Variants in APBA2 observed in about 807,000 individuals in gnomAD.
APBA2 encodes amyloid-beta A4 precursor protein-binding family A member 2.
Under a neutral mutation model 75.0 loss-of-function variants are expected in APBA2, and 30 were observed. The observed-to-expected ratio is 0.40, with a 90% CI of 0.30 to 0.54. The LOEUF (loss-of-function observed/expected upper bound fraction) is 0.54. APBA2 is among the 20% of genes least tolerant of loss of function. The pLI, the probability that APBA2 is intolerant of heterozygous loss-of-function variation, is 0.49. For synonymous variants in APBA2, 444 were observed against 409.6 expected (o/e 1.08, Z -1.01); for missense variants, 801 against 1,016.1 (o/e 0.79, Z 2.88).
At chr15:28,908,085 G>T (rs1432533965) in intron 1 of APBA2, among the ~76,000 whole-genome samples, 2 of 152,170 alleles carry the variant, frequency 1.3e-5, no homozygotes, top group African/African-American at 4.8e-5. Context: ...CCGTGACCTG[G>T]CTGGACCCTG....
chr15:29,060,678 C>T (rs542182361), intron 4 of APBA2, among the ~76,000 whole-genome samples: 33 of 152,300 alleles, frequency 2.2e-4, no homozygotes, highest in African/African-American at 6.5e-4. Flanking sequence ...TCAGTGCTAA[C>T]GTGTCCTAAG....
At chr15:28,929,073 A>G (rs771599820) in intron 2 of APBA2, among the ~76,000 whole-genome samples, 1 of 152,132 alleles carries the variant, frequency 6.6e-6, no homozygotes, top group African/African-American at 2.4e-5. Context: ...AGTCATGAGG[A>G]TGGGAGTGAT....
intron 2 of APBA2, among the ~76,000 whole-genome samples, chr15:28,944,989 T>C (rs2035461630): frequency 6.6e-6 from 1 of 152,200 alleles, no homozygotes; most frequent in African/African-American, 2.4e-5. Flanking sequence ...AGGGAGGCAG[T>C]GAGCTTCCTC....
intron 2 of APBA2, among the ~76,000 whole-genome samples, chr15:28,992,453 A>G (rs2038286199): frequency 6.6e-6 from 1 of 152,258 alleles, no homozygotes; most frequent in Non-Finnish European, 1.5e-5. Flanking sequence ...TGCACGTAGA[A>G]TAATACAGAG....
rs1199993947 is a variant in APBA2 at position 28,940,727 on chromosome 15, G to T, written c.-95+18978G>T. Among the ~76,000 whole-genome samples, 3 of 152,146 alleles carry T rather than the reference G, an allele frequency of 2.0e-5. No individual in the cohort carries two copies. In the South Asian group the frequency reaches 6.2e-4, roughly 32 times the overall value. On this transcript the variant is annotated intron_variant, in intron 2 of 14. Transcript: ENST00000683413. Reference sequence around the variant, plus strand: ...GTCATGTCTTGAAATTCAGTTTTCTGCTGAAAGAAGCTGAGACTACTTGGA... The same window carrying T: ...GTCATGTCTTGAAATTCAGTTTTCTTCTGAAAGAAGCTGAGACTACTTGGA...
intron 2 of APBA2, among the ~76,000 whole-genome samples, chr15:28,936,179 C>T (rs949023664): frequency 5.3e-5 from 8 of 152,110 alleles, no homozygotes; most frequent in Non-Finnish European, 2.9e-5. Context: ...GATGGTTTTG[C>T]GTTTGCTCCT....
chr15:29,025,435 T>C (rs990187745), intron 3 of APBA2, among the ~76,000 whole-genome samples: 6 of 151,684 alleles, frequency 4.0e-5, no homozygotes, highest in Admixed American at 3.9e-4. Context: ...CCAGCTAATT[T>C]TTTTGTAATT....
chr15:29,053,154 C>T (rs1377516662), intron 3 of APBA2, among the ~76,000 whole-genome samples: 10 of 152,198 alleles, frequency 6.6e-5, no homozygotes, highest in South Asian at 2.1e-4. Flanking sequence ...TGTCACCCCA[C>T]GATACCTGCA....
chr15:28,975,255 G>T (rs1166005587), intron 2 of APBA2, among the ~76,000 whole-genome samples: 1 of 152,082 alleles, frequency 6.6e-6, no homozygotes, highest in East Asian at 1.9e-4. Context: ...TTTCACAGGA[G>T]AATTCTATCA....
intron 1 of APBA2, among the ~76,000 whole-genome samples, chr15:28,899,582 C>T (rs561505457): frequency 2.0e-5 from 3 of 152,012 alleles, no homozygotes; most frequent in South Asian, 2.1e-4. Flanking sequence ...CGTGTGTGCC[C>T]GGCCTTGCTC....
intron 1 of APBA2, among the ~76,000 whole-genome samples, chr15:28,896,712 G>A (rs1362778097): frequency 2.0e-5 from 3 of 152,206 alleles, no homozygotes; most frequent in African/African-American, 7.2e-5. Flanking sequence ...GGCTATCATT[G>A]TGCTGACTGG....
chr15:29,048,821 TA>T (rs1359534240), intron 3 of APBA2, among the ~76,000 whole-genome samples: 2 of 151,666 alleles, frequency 1.3e-5, no homozygotes, highest in African/African-American at 4.9e-5. Flanking sequence ...CACCTACCTG[TA>T]GTCCTAGCTA....
At chr15:29,108,125 T>C in intron 12 of APBA2, 145 bp from the exon 13 acceptor site, 1 of 1,189,068 alleles carries the variant, frequency 8.4e-7, no homozygotes. Flanking sequence ...ACAGAGGGGC[T>C]ACCGAGGCTG....
chr15:28,992,902 G>C (rs2038310423), intron 2 of APBA2, among the ~76,000 whole-genome samples: 1 of 152,230 alleles, frequency 6.6e-6, no homozygotes, highest in South Asian at 2.1e-4. Flanking sequence ...TTTACGGCCT[G>C]AAGATTGAGA....
chr15:28,975,814 T>G (rs910937311), intron 2 of APBA2, among the ~76,000 whole-genome samples: 1 of 152,234 alleles, frequency 6.6e-6, no homozygotes, highest in Non-Finnish European at 1.5e-5. Context: ...TGGGCCATAT[T>G]GGCAGAGAGG....
chr15:29,074,515 T>C (rs1300950653), intron 4 of APBA2, among the ~76,000 whole-genome samples: 1 of 152,094 alleles, frequency 6.6e-6, no homozygotes, highest in African/African-American at 2.4e-5. Flanking sequence ...GGGTTGGGCA[T>C]ATTGAGGAGT....
intron 4 of APBA2, among the ~76,000 whole-genome samples, chr15:29,064,452 A>T (rs2042288394): frequency 6.6e-6 from 1 of 152,180 alleles, no homozygotes; most frequent in South Asian, 2.1e-4. Context: ...AGGGAGACGG[A>T]TACATGAGAC....
At chr15:29,114,693 A>T (rs1040607992) in intron 14 of APBA2, among the ~76,000 whole-genome samples, 5 of 148,902 alleles carry the variant, frequency 3.4e-5, no homozygotes, top group Non-Finnish European at 7.4e-5. Context: ...AGGTGTGGGA[A>T]ATGAGTGTGT....
At chr15:29,022,566 C>A (rs2040006370) in intron 3 of APBA2, among the ~76,000 whole-genome samples, 1 of 152,130 alleles carries the variant, frequency 6.6e-6, no homozygotes, top group Non-Finnish European at 1.5e-5. Context: ...ATTCCCCCCA[C>A]CAGCTGATTT....
Sources: allele counts gnomAD v4.1 joint callset (sites outside exome capture counted in the v4.1 genomes callset), GRCh38; gene constraint gnomAD v4.1.1; transcripts MANE v1.5; gene names NCBI Gene and HGNC (gene_info 2026-07-23, HGNC 2026-07-21).